MNS1: variants seen among roughly 807,000 people sequenced by gnomAD.
The protein encoded by MNS1 is meiosis specific nuclear structural 1.
MNS1 carries 63 observed loss-of-function variants against 72.0 expected under a neutral mutation model. The ratio of observed to expected loss-of-function variants is 0.87; its 90% CI spans 0.71 to 1.08. The LOEUF (loss-of-function observed/expected upper bound fraction) is 1.08, where lower values mean the gene tolerates loss of function less well. Among genes scored for constraint, MNS1 ranks in the 50% least tolerant of loss-of-function variants. The pLI is 0.00. For synonymous variants in MNS1, 188 were observed against 172.1 expected (o/e 1.09, Z -0.72); for missense variants, 604 against 562.4 (o/e 1.07, Z -0.75).
At chr15:56,433,409 C>G (rs1217847054) in intron 8 of MNS1, among the ~76,000 whole-genome samples, 7 of 15,404 alleles carry the variant, frequency 4.5e-4, no homozygotes, top group Admixed American at 8.5e-4. Flanking sequence ...CACATGCATC[C>G]TGGAACTTAA....
At chr15:56,444,372 G>T in intron 5 of MNS1, 72 bp downstream of exon 5, 1 of 1,319,602 alleles carries the variant, frequency 7.6e-7, no homozygotes, top group Non-Finnish European at 1.0e-6. Context: ...AGGTGCTTCA[G>T]TTCCTCACAA....
chr15:56,437,994 T>C (rs1340345955), intron 7 of MNS1, among the ~76,000 whole-genome samples: 1 of 152,208 alleles, frequency 6.6e-6, no homozygotes, highest in Non-Finnish European at 1.5e-5. Flanking sequence ...GAACATTCCA[T>C]GCTCATGGAT....
intron 2 of MNS1, among the ~76,000 whole-genome samples, chr15:56,459,124 T>TC (rs2051000734): frequency 6.6e-6 from 1 of 152,152 alleles, no homozygotes. Flanking sequence ...TCTCACCTTT[T>TC]CCCCCAACCC....
At chr15:56,446,544 G>A (rs1355052128) in intron 4 of MNS1, among the ~76,000 whole-genome samples, 5 of 151,958 alleles carry the variant, frequency 3.3e-5, no homozygotes, top group East Asian at 3.9e-4. Context: ...CACTTATCAT[G>A]GTAACAATTT....
chr15:56,465,101 A>C lies in MNS1; in HGVS notation c.-129T>G, dbSNP rs1413127664. 1 of 1,301,836 alleles carries C rather than the reference A, an allele frequency of 7.7e-7. No homozygotes were observed. Among genetic ancestry groups the C allele is most frequent in the Non-Finnish European group, 1.1e-6 (1 of 936,000 alleles). The allele number at this position is 1,301,836 out of a possible 1,614,324, so 80.6% of individuals were successfully genotyped here. On this transcript the variant is annotated 5_prime_UTR_variant, in exon 1 of 10. Transcript: ENST00000260453. The stretch of plus-strand genomic sequence containing the variant: ...TCGGGTGTTTACGCGGCGTCTTGGC[A>C]ACGGTGGAGCTGCGCGCCCTCCGCT...
At chr15:56,449,647 G>A (rs1286902201) in intron 3 of MNS1, among the ~76,000 whole-genome samples, 1 of 152,150 alleles carries the variant, frequency 6.6e-6, no homozygotes, top group African/African-American at 2.4e-5. Flanking sequence ...TAAGATTGGT[G>A]TTACTTTGTC....
chr15:56,464,175 A>ATT lies in MNS1; in HGVS notation c.74_75dup (p.Leu26AsnfsTer7). On this transcript the variant is annotated frameshift_variant, in exon 2 of 10. Coordinates refer to ENST00000260453, the MANE Select transcript of MNS1 (RefSeq NM_018365.4). LOFTEE classifies it high-confidence loss of function. ...ACGTTTTTTAGAGCTTGGACATGTAATTTTTTGCAGTAGTTTTCATCTACT... is the reference window on the plus strand; with the variant it reads ...ACGTTTTTTAGAGCTTGGACATGTAATTTTTTTTGCAGTAGTTTTCATCTACT... 6.2e-7 allele frequency: 1 copy of ATT among 1,613,846 alleles called. No homozygotes were observed. Among genetic ancestry groups the ATT allele is most frequent in the Non-Finnish European group, 8.5e-7 (1 of 1,179,980 alleles).
chr15:56,462,690 T>C (rs143403322), intron 2 of MNS1, among the ~76,000 whole-genome samples: 107 of 152,320 alleles, frequency 7.0e-4, no homozygotes, highest in Middle Eastern at 3.4e-3. Flanking sequence ...AACCACCAAA[T>C]ACACCGTATG....
At chr15:56,435,439 A>T (rs1345106371) in intron 7 of MNS1, among the ~76,000 whole-genome samples, 2 of 152,056 alleles carry the variant, frequency 1.3e-5, no homozygotes, top group African/African-American at 4.8e-5. Context: ...ACCTAGAAAA[A>T]AAAAATGAAT....
chr15:56,429,062 A>G lies in MNS1; in HGVS notation c.*39T>C. On this transcript the variant is annotated 3_prime_UTR_variant, in exon 10 of 10. Transcript: ENST00000260453. ...AAAGTTATGCTGACATCTAGTGGTAACATGCAAAAAATCTATGCTTTACCC... is the reference window on the plus strand; with the variant it reads ...AAAGTTATGCTGACATCTAGTGGTAGCATGCAAAAAATCTATGCTTTACCC... 1 of 1,321,890 alleles carries G rather than the reference A, an allele frequency of 7.6e-7. No individual in the cohort carries two copies. The highest frequency in any genetic ancestry group is 1.1e-6 in the Non-Finnish European group (1 of 940,172). 81.9% of individuals were successfully genotyped at this position (1,321,890 alleles called of 1,614,324 possible).
intron 2 of MNS1, among the ~76,000 whole-genome samples, chr15:56,458,723 T>A (rs908213387): frequency 2.0e-5 from 3 of 152,210 alleles, no homozygotes; most frequent in Non-Finnish European, 4.4e-5. Flanking sequence ...CTTTTTGGAC[T>A]GGCTTCTTTC....
At chr15:56,460,019 T>A (rs1035554121) in intron 2 of MNS1, among the ~76,000 whole-genome samples, 1,914 of 45,194 alleles carry the variant, frequency 0.042, 293 homozygotes, top group Non-Finnish European at 0.061. Flanking sequence ...AATACATATA[T>A]ATATATATAT....
At position 56,443,338 on chromosome 15, in the gene MNS1, T is replaced by C. The variant is rs1402047069; in HGVS notation, c.1011+92A>G. On this transcript the variant is annotated intron_variant, in intron 7 of 9. Coordinates refer to ENST00000260453, the MANE Select transcript of MNS1 (RefSeq NM_018365.4). ...TTTACATATAATGTAATTACCAGTA[T>C]GGTTGGATTTAAATGTACTATCTCT... The C allele has an allele frequency of 1.1e-5, 10 of 896,048 alleles. No homozygotes were observed. The African/African-American group carries it at 1.4e-4, about 12-fold the overall frequency. 55.5% of individuals were successfully genotyped at this position (896,048 alleles called of 1,614,324 possible).
chr15:56,437,656 G>T (rs1160789034), intron 7 of MNS1, among the ~76,000 whole-genome samples: 16 of 152,232 alleles, frequency 1.1e-4, no homozygotes, highest in African/African-American at 3.6e-4. Context: ...TATTCAATTA[G>T]GAAAAGAGGA....
chr15:56,460,009 A>AAAATATATATAT lies in MNS1; in HGVS notation c.226-3489_226-3488insATATATATATTT. ...CTGTCTCAAAAAAAAAAAAAAAAAA[A>AAAATATATATAT]ATACATATATATATATATATATATA... On this transcript the variant is annotated intron_variant, in intron 2 of 9. Coordinates refer to ENST00000260453, the MANE Select transcript of MNS1 (RefSeq NM_018365.4). Among the ~76,000 whole-genome samples, 2 of 26,388 alleles carry AAAATATATATAT rather than the reference A, an allele frequency of 7.6e-5. 1 individual carries two copies. The highest frequency in any genetic ancestry group is 1.4e-4 in the Non-Finnish European group (2 of 14,310). 17.3% of individuals were successfully genotyped at this position (26,388 alleles called of 152,430 possible).
chr15:56,445,560 T>C (rs1259467507), intron 4 of MNS1: 1 of 152,050 alleles, frequency 6.6e-6, no homozygotes, highest in Non-Finnish European at 1.5e-5. Context: ...ATGTTTCTGA[T>C]TATCTTCTTT....
At chr15:56,447,922 G>A (rs2050919878) in intron 3 of MNS1, among the ~76,000 whole-genome samples, 1 of 151,978 alleles carries the variant, frequency 6.6e-6, no homozygotes, top group Non-Finnish European at 1.5e-5. Flanking sequence ...ATTTTTCTCT[G>A]GCTTCTTTCA....
intron 8 of MNS1, among the ~76,000 whole-genome samples, chr15:56,432,063 G>A (rs1375358954): frequency 3.3e-5 from 5 of 152,124 alleles, no homozygotes; most frequent in African/African-American, 1.2e-4. Context: ...GTTAATTTGA[G>A]ACTGTACTTG....
chr15:56,448,020 T>G (rs1205640906), intron 3 of MNS1, among the ~76,000 whole-genome samples: 3 of 152,226 alleles, frequency 2.0e-5, no homozygotes, highest in African/African-American at 7.2e-5. Context: ...ATTATAGATA[T>G]CCACTCGCAT....
Sources: gnomAD v4.1 joint callset for allele counts (sites outside exome capture counted in the v4.1 genomes callset) on GRCh38, gnomAD v4.1.1 for gene constraint, MANE v1.5 for transcripts, NCBI Gene and HGNC (gene_info 2026-07-23, HGNC 2026-07-21) for gene names.